RIMS2: variants seen among roughly 807,000 people sequenced by gnomAD.
RIMS2 encodes the protein regulating synaptic membrane exocytosis 2.
RIMS2 carries 59 observed loss-of-function variants against 174.4 expected under a neutral mutation model. That is an observed-to-expected ratio of 0.34 (90% CI 0.27 to 0.42). The LOEUF (loss-of-function observed/expected upper bound fraction) is 0.42. Among genes scored for constraint, RIMS2 ranks in the 10% least tolerant of loss-of-function variants. The pLI is 1.00. For missense variants in RIMS2, 1,620 were observed against 1,666.3 expected, an observed-to-expected ratio of 0.97 and a Z score of 0.48; for synonymous variants, 606 against 572.5, an observed-to-expected ratio of 1.06 and a Z score of -0.84.
At chr8:103,603,516 A>T (rs1403256407) in intron 1 of RIMS2, among the ~76,000 whole-genome samples, 1 of 151,992 alleles carries the variant, frequency 6.6e-6, no homozygotes, top group Non-Finnish European at 1.5e-5. Context: ...TATACCCAGT[A>T]ATGGGATGGC....
intron 1 of RIMS2, among the ~76,000 whole-genome samples, chr8:103,637,969 T>C (rs2096127707): frequency 6.6e-6 from 1 of 152,184 alleles, no homozygotes; most frequent in South Asian, 2.1e-4. Context: ...TTTGTAGACG[T>C]TCCTCAGTTT....
chr8:103,518,674 G>A (rs1168218063), intron 1 of RIMS2, among the ~76,000 whole-genome samples: 1 of 151,770 alleles, frequency 6.6e-6, no homozygotes, highest in African/African-American at 2.4e-5. Context: ...TTATCTTATT[G>A]GCATATTTGA....
At chr8:103,867,466 C>T (rs571689286) in intron 3 of RIMS2, among the ~76,000 whole-genome samples, 1 of 151,712 alleles carries the variant, frequency 6.6e-6, no homozygotes, top group Non-Finnish European at 1.5e-5. Flanking sequence ...TTCAGTTACT[C>T]TTTGTCATCA....
intron 19 of RIMS2, among the ~76,000 whole-genome samples, chr8:104,133,413 G>T (rs2098489670): frequency 6.6e-6 from 1 of 152,138 alleles, no homozygotes. Context: ...GACACTTTTT[G>T]TTATAGGCAC....
At chr8:104,250,943 A>G in intron 22 of RIMS2, 81 bp from the exon 29 acceptor site, 1 of 1,250,340 alleles carries the variant, frequency 8.0e-7, no homozygotes, top group South Asian at 1.4e-5. Flanking sequence ...AAAGATTACT[A>G]AACTGGTAAA....
At chr8:103,911,735 A>G (rs2075715062) in intron 5 of RIMS2, among the ~76,000 whole-genome samples, 1 of 152,162 alleles carries the variant, frequency 6.6e-6, no homozygotes, top group African/African-American at 2.4e-5. Context: ...GCATGTAGAT[A>G]ATTAGAGTTG....
rs2099091125 is a variant in RIMS2, at chr8:103,867,860, T to G, written c.699-17438T>G. Among the ~76,000 whole-genome samples, 9 of 152,058 alleles carry G rather than the reference T, an allele frequency of 5.9e-5. No homozygotes were observed. The South Asian group carries it at 1.9e-3, about 31-fold the overall frequency. ...AAGGTCAGAGGTACCTGCTATTTGC[T>G]TTAGTTGGTATAAAACACTTTCTGG... On this transcript the variant is annotated intron_variant, in intron 3 of 23. Coordinates refer to ENST00000504942, the Ensembl canonical transcript of RIMS2.
At chr8:104,039,338 A>T (rs2096570356) in intron 19 of RIMS2, among the ~76,000 whole-genome samples, 1 of 151,698 alleles carries the variant, frequency 6.6e-6, no homozygotes, top group African/African-American at 2.4e-5. Flanking sequence ...CTGCAACTGA[A>T]CTTGTTTTGT....
intron 15 of RIMS2, among the ~76,000 whole-genome samples, chr8:103,973,578 G>A (rs1046455173): frequency 6.6e-6 from 1 of 152,112 alleles, no homozygotes; most frequent in Non-Finnish European, 1.5e-5. Flanking sequence ...TGGAAAGAAG[G>A]ATAAGTCTGC....
chr8:103,673,252 G>A (rs2096767384), intron 1 of RIMS2, among the ~76,000 whole-genome samples: 1 of 152,062 alleles, frequency 6.6e-6, no homozygotes, highest in Non-Finnish European at 1.5e-5. Flanking sequence ...GCTCCCACTG[G>A]ATCTACCATT....
chr8:103,696,862 C>CAAAAAAAAAA lies in RIMS2; in HGVS notation c.177-210_177-201dup, dbSNP rs55852238. Among the ~76,000 whole-genome samples, 105 of 53,642 alleles carry CAAAAAAAAAA rather than the reference C, an allele frequency of 2.0e-3. 1 individual carries two copies. Among genetic ancestry groups the CAAAAAAAAAA allele is most frequent in the Non-Finnish European group, 2.6e-3 (73 of 28,548 alleles). 35.2% of individuals were successfully genotyped at this position (53,642 alleles called of 152,430 possible). A position where few individuals can be genotyped will look rare whatever the true frequency, so the allele number is the denominator to read the frequency against. On this transcript the variant is annotated intron_variant, in intron 1 of 23. Coordinates refer to ENST00000504942, the Ensembl canonical transcript of RIMS2. Reference sequence around the variant, plus strand: ...TGGGTAACAGAGCGAGACTTCGTCTCAAAAAAAAAAAAAAAAAAAAAAAGA... The same window carrying CAAAAAAAAAA: ...TGGGTAACAGAGCGAGACTTCGTCTCAAAAAAAAAAAAAAAAAAAAAAAAAAAAAAAAAGA...
intron 11 of RIMS2, among the ~76,000 whole-genome samples, chr8:103,928,405 G>A (rs914407200): frequency 3.0e-4 from 46 of 151,314 alleles, no homozygotes; most frequent in African/African-American, 1.1e-3. Context: ...AAAGTATTTT[G>A]CTTTGAAAGA....
chr8:103,847,417 G>A lies in RIMS2; in HGVS notation c.699-37881G>A, dbSNP rs145133125. Among the ~76,000 whole-genome samples, 20 of 152,216 alleles carry A rather than the reference G, an allele frequency of 1.3e-4. No individual in the cohort carries two copies. The East Asian group carries it at 3.7e-3, about 28-fold the overall frequency. On this transcript the variant is annotated intron_variant, in intron 3 of 23. Transcript: ENST00000504942. ...TGGGGCATTTTGCTATCAGACTAAA[G>A]AGTTCTGGATGGCACAGTATGTGTT...
At chr8:104,240,685 C>A (rs1368855082) in intron 19 of RIMS2, among the ~76,000 whole-genome samples, 1 of 152,126 alleles carries the variant, frequency 6.6e-6, no homozygotes, top group Non-Finnish European at 1.5e-5. Context: ...CAGATATCAT[C>A]TGCCCTCCTC....
At chr8:104,240,351 T>A (rs1371194801) in intron 19 of RIMS2, among the ~76,000 whole-genome samples, 2 of 152,214 alleles carry the variant, frequency 1.3e-5, no homozygotes, top group Non-Finnish European at 2.9e-5. Flanking sequence ...AGTTGAATAA[T>A]GTGACAAATC....
intron 19 of RIMS2, among the ~76,000 whole-genome samples, chr8:104,167,473 C>A (rs1414606539): frequency 6.6e-6 from 1 of 152,038 alleles, no homozygotes; most frequent in Non-Finnish European, 1.5e-5. Flanking sequence ...ATTTGTATAT[C>A]CTTTTTTGAT....
chr8:103,890,789 G>A (rs959966282), intron 4 of RIMS2, among the ~76,000 whole-genome samples: 1 of 151,814 alleles, frequency 6.6e-6, no homozygotes, highest in Non-Finnish European at 1.5e-5. Context: ...TCTTCTCAAA[G>A]TTTAAAATAT....
chr8:103,910,162 T>TA lies in RIMS2; in HGVS notation c.1654dup (p.Thr552AsnfsTer5). ...ACATGGATTACAACTGGTTGGATCA[T>TA]ACGTCTTGGCATAGCAGTGAGGCAT... On this transcript the variant is annotated frameshift_variant, in exon 5 of 24. Coordinates refer to ENST00000504942, the Ensembl canonical transcript of RIMS2. LOFTEE classifies it high-confidence loss of function. The TA allele has an allele frequency of 6.2e-7, 1 of 1,612,178 alleles. No homozygotes were observed.
intron 2 of RIMS2, among the ~76,000 whole-genome samples, chr8:103,711,915 TC>T (rs2097309054): frequency 6.6e-6 from 1 of 151,358 alleles, no homozygotes; most frequent in African/African-American, 2.4e-5. Context: ...TATATATATA[TC>T]ACACTTTTAA....
Sources: allele counts gnomAD v4.1 joint callset (sites outside exome capture counted in the v4.1 genomes callset), GRCh38; gene constraint gnomAD v4.1.1; transcripts MANE v1.5; gene names NCBI Gene and HGNC (gene_info 2026-07-23, HGNC 2026-07-21).